Variants in PIF1 observed in about 807,000 individuals in gnomAD.
PIF1 encodes the protein ATP-dependent DNA helicase PIF1.
In PIF1, 67 loss-of-function variants were observed where a neutral mutation model predicts 62.3. The observed-to-expected ratio is 1.08, with a 90% CI of 0.88 to 1.32. PIF1 has a LOEUF of 1.32. Ranked by LOEUF, PIF1 falls within the 40% of genes most tolerant of loss-of-function variation. PIF1 has a pLI of 0.00. For synonymous variants in PIF1, 364 were observed against 379.5 expected, an observed-to-expected ratio of 0.96 and a Z score of 0.47; for missense variants, 886 against 866.1, an observed-to-expected ratio of 1.02 and a Z score of -0.29.
chr15:64,823,951 C>A lies in PIF1; in HGVS notation c.385G>T (p.Gly129Cys), dbSNP rs1595818452. Reference sequence around the variant, plus strand: ...GCTCGGGCGGAGGCCGGCCCGGGACCCGGGGCCGCAGCCAGCTTGAGGCGC... The same window carrying A: ...GCTCGGGCGGAGGCCGGCCCGGGACACGGGGCCGCAGCCAGCTTGAGGCGC... ...TLRLKLAAAP[G>C]PGPASARAQL... The change falls in exon 2 of 13, where the codon GGT (glycine) becomes TGT (cysteine). Residue 129 changes from glycine (G) to cysteine (C), a missense_variant. Transcript: ENST00000559239. 2.5e-5 allele frequency: 33 copies of A among 1,307,282 alleles called. No individual in the cohort carries two copies. The highest frequency in any genetic ancestry group is 1.6e-4 in the South Asian group (7 of 43,788). The allele number at this position is 1,307,282 out of a possible 1,614,324, so 81.0% of individuals were successfully genotyped here.
At chr15:64,825,815 G>A (rs943110931), upstream of PIF1, 4 of 152,216 alleles carry the variant, frequency 2.6e-5, no homozygotes, top group African/African-American at 9.6e-5. Flanking sequence ...GAGGAAGGAG[G>A]TTTATGGTGG....
In PIF1 at chr15:64,821,300, T is replaced by A. The variant is rs778759210; in HGVS notation, c.972-19A>T. 5 of 1,613,942 alleles carry A rather than the reference T, an allele frequency of 3.1e-6. No individual in the cohort carries two copies. The highest frequency in any genetic ancestry group is 8.5e-7 in the Non-Finnish European group (1 of 1,179,968). On this transcript the variant is annotated intron_variant, in intron 5 of 12. Coordinates refer to ENST00000559239, the MANE Select transcript of PIF1 (RefSeq NM_001286496.2). The stretch of plus-strand genomic sequence containing the variant: ...GACAGCTCTGGAGAGGAGCGTGGGG[T>A]GCTTTAGGGGCACACAGAAGACCAC...
intron 11 of PIF1, 85 bp downstream of exon 11, chr15:64,817,861 C>CA: frequency 6.8e-7 from 1 of 1,461,012 alleles, no homozygotes; most frequent in South Asian, 1.4e-5. Flanking sequence ...GACTCTGTCT[C>CA]AAAAATAAAA....
At chr15:64,819,591 G>T (rs1458347493) in intron 8 of PIF1, among the ~76,000 whole-genome samples, 6 of 152,162 alleles carry the variant, frequency 3.9e-5, no homozygotes, top group Non-Finnish European at 8.8e-5. Flanking sequence ...TTACAGGTAT[G>T]ACCCACCGCT....
chr15:64,820,083 C>T, intron 7 of PIF1, 97 bp from the exon 8 acceptor site: 1 of 1,462,136 alleles, frequency 6.8e-7, no homozygotes. Flanking sequence ...ATGGGTCAGG[C>T]CTTGGGACTG....
At position 64,822,544 on chromosome 15, in the gene PIF1, C is replaced by T. The variant is rs780310704; in HGVS notation, c.625G>A (p.Glu209Lys). 1 of 1,614,144 alleles carries T rather than the reference C, an allele frequency of 6.2e-7. No homozygotes were observed. Among genetic ancestry groups the T allele is most frequent in the Non-Finnish European group, 8.5e-7 (1 of 1,180,022 alleles). ...SLPSTKPQLS[E>K]EQAAVLRAVL... The stretch of plus-strand genomic sequence containing the variant: ...GCCCTCAGCACAGCAGCCTGTTCCT[C>T]AGAAAGCTGTGGCTTGGTGGAGGGC... Residue 209 changes from glutamate to lysine, a missense_variant, in exon 3 of 13, where the codon GAG becomes AAG. Transcript: ENST00000559239.
At chr15:64,818,125 C>G in intron 10 of PIF1, 34 bp from the exon 11 acceptor site, 1 of 1,612,798 alleles carries the variant, frequency 6.2e-7, no homozygotes, top group Non-Finnish European at 8.5e-7. Flanking sequence ...AACTTTAGCT[C>G]TGCTTCAGGG....
At position 64,816,582 on chromosome 15, in the gene PIF1, G is replaced by C. The variant is rs754381941; in HGVS notation, c.1858C>G (p.Leu620Val). ...GGATGACTCCCTCTTACCAGACTGA[G>C]GCTCCTGCCCCGCCGCAGGGTGGCA... Reference protein sequence around the residue: ...FYATLRRGRSLSLESPDDDEA... With the variant: ...FYATLRRGRSVSLESPDDDEA... Residue 620 changes from leucine to valine, a missense_variant, in exon 12 of 13, where the codon CTC becomes GTC. Physicochemically the swap from Leu to Val is conservative, Grantham distance 32 (BLOSUM62 1). Transcript: ENST00000559239. 2 of 1,613,452 alleles carry C rather than the reference G, an allele frequency of 1.2e-6. No homozygotes were observed. Among genetic ancestry groups the C allele is most frequent in the Admixed American group, 3.3e-5 (2 of 59,732 alleles).
At position 64,820,856 on chromosome 15, in the gene PIF1, C is replaced by T. The variant is rs562034413; in HGVS notation, c.1193+126G>A. The T allele has an allele frequency of 3.9e-4, 316 of 808,302 alleles. 1 individual carries two copies. In the Middle Eastern group the frequency reaches 8.1e-3, roughly 21 times the overall value. 50.1% of individuals were successfully genotyped at this position (808,302 alleles called of 1,614,324 possible). Reference sequence around the variant, plus strand: ...CAGTGCCCTGCCCAAGGCTCCTCTTCCTGCATGGAGTGCTTGCTCCTGAGG... The same window carrying T: ...CAGTGCCCTGCCCAAGGCTCCTCTTTCTGCATGGAGTGCTTGCTCCTGAGG... On this transcript the variant is annotated intron_variant, in intron 7 of 12. Coordinates refer to ENST00000559239, the MANE Select transcript of PIF1 (RefSeq NM_001286496.2).
Position 64,815,759 on chromosome 15 carries a change from T to C in PIF1, c.*539A>G. On this transcript the variant is annotated 3_prime_UTR_variant, in exon 13 of 13. Coordinates refer to ENST00000559239, the MANE Select transcript of PIF1 (RefSeq NM_001286496.2). ...AAATATGGGTGCACATTTTGCAGCTTATGTTCTTTGGTTAGGCTCTGAAGG... is the reference window on the plus strand; with the variant it reads ...AAATATGGGTGCACATTTTGCAGCTCATGTTCTTTGGTTAGGCTCTGAAGG... The C allele has an allele frequency of 6.4e-7, 1 of 1,550,626 alleles. No homozygotes were observed. The highest frequency in any genetic ancestry group is 8.7e-7 in the Non-Finnish European group (1 of 1,147,006).
intron 4 of PIF1, 37 bp downstream of exon 4, chr15:64,822,229 C>T: frequency 6.3e-7 from 1 of 1,588,802 alleles, no homozygotes; most frequent in Non-Finnish European, 8.5e-7. Context: ...AGAAGCTGGG[C>T]TTGCTCTTAG....
At chr15:64,823,573 C>G (rs577155617) in intron 2 of PIF1, 1 of 400,926 alleles carries the variant, frequency 2.5e-6, no homozygotes, top group South Asian at 1.4e-4. Context: ...GTAGCCAGGT[C>G]CCATTTCCTG....
intron 1 of PIF1, 29 bp from the exon 2 acceptor site, chr15:64,824,383 T>A: frequency 8.1e-7 from 1 of 1,230,698 alleles, no homozygotes; most frequent in East Asian, 3.2e-5. Flanking sequence ...ACAGGGGTCA[T>A]GAGGATTCAT....
At chr15:64,822,992 C>A (rs1024204882) in intron 2 of PIF1, among the ~76,000 whole-genome samples, 1 of 152,130 alleles carries the variant, frequency 6.6e-6, no homozygotes, top group Non-Finnish European at 1.5e-5. Context: ...CTAGCCAGGG[C>A]CCCTTCTTAT....
At position 64,824,125 on chromosome 15, in the gene PIF1, G is replaced by T. The variant is rs1471955286; in HGVS notation, c.211C>A (p.Leu71Met). The change falls in exon 2 of 13, where the codon CTG becomes ATG. Residue 71 changes from leucine (L) to methionine (M), a missense_variant. Coordinates refer to ENST00000559239, the MANE Select transcript of PIF1 (RefSeq NM_001286496.2). ...GPAGRPRCFPLRAARLFTRFA... is the reference protein window; with the variant it reads ...GPAGRPRCFPMRAARLFTRFA... ...CGCGTGAAGAGGCGCGCGGCGCGCAGAGGAAAGCAGCGCGGCCGCCCCGCG... is the reference window on the plus strand; with the variant it reads ...CGCGTGAAGAGGCGCGCGGCGCGCATAGGAAAGCAGCGCGGCCGCCCCGCG... 5.5e-6 allele frequency: 7 copies of T among 1,280,776 alleles called. No homozygotes were observed. Among genetic ancestry groups the T allele is most frequent in the Non-Finnish European group, 6.9e-6 (7 of 1,015,908 alleles). 79.3% of individuals were successfully genotyped at this position (1,280,776 alleles called of 1,614,324 possible).
chr15:64,823,660 G>T, intron 2 of PIF1, 118 bp downstream of exon 2: 2 of 649,828 alleles, frequency 3.1e-6, no homozygotes, highest in Non-Finnish European at 4.5e-6. Context: ...ATACTGAGAT[G>T]TCAGATGGGT....
At chr15:64,826,661 T>TATATATATATATAC (rs2084373463), upstream of PIF1, among the ~76,000 whole-genome samples, 1 of 26,588 alleles carries the variant, frequency 3.8e-5, no homozygotes, top group Non-Finnish European at 9.4e-5. Context: ...TATATATATA[T>TATATATATATATAC]ATATACACAC....
rs1037001132 is a variant in PIF1, at chr15:64,824,070, CGCAGG to C, written c.261_265del (p.Leu88AlafsTer96). ...CCCGGGGGTGTCGTGGGCGGGGAGCCGCAGGGTGCTGCGCCCGGCCTCGGCGAAAC... is the reference window on the plus strand; with the variant it reads ...CCCGGGGGTGTCGTGGGCGGGGAGCCGTGCTGCGCCCGGCCTCGGCGAAAC... On this transcript the variant is annotated frameshift_variant, in exon 2 of 13. Coordinates refer to ENST00000559239, the MANE Select transcript of PIF1 (RefSeq NM_001286496.2). LOFTEE classifies it high-confidence loss of function. The C allele has an allele frequency of 3.2e-6, 4 of 1,265,382 alleles. No individual in the cohort carries two copies. In the African/African-American group the frequency reaches 6.2e-5, roughly 20 times the overall value. The allele number at this position is 1,265,382 out of a possible 1,614,324, so 78.4% of individuals were successfully genotyped here.
chr15:64,819,247 C>G (rs765328995), intron 8 of PIF1, 24 bp from the exon 9 acceptor site: 2 of 1,512,562 alleles, frequency 1.3e-6, no homozygotes, highest in Admixed American at 1.8e-5. Flanking sequence ...GTTGAGCAAA[C>G]AGATCACAAA....
Sources: gnomAD v4.1 joint callset for allele counts (sites outside exome capture counted in the v4.1 genomes callset) on GRCh38, gnomAD v4.1.1 for gene constraint, MANE v1.5 for transcripts, NCBI Gene and HGNC (gene_info 2026-07-23, HGNC 2026-07-21) for gene names.